FCF1: variants seen among roughly 807,000 people sequenced by gnomAD.
FCF1 encodes the protein FCF1 rRNA-processing protein, also known as rRNA-processing protein FCF1 homolog.
In FCF1, 17 loss-of-function variants were observed where a neutral mutation model predicts 32.5. That is an observed-to-expected ratio of 0.52 (90% CI 0.36 to 0.78). The LOEUF is 0.78. Ranked by LOEUF, FCF1 falls within the 30% of genes least tolerant of loss-of-function variation. The probability of loss-of-function intolerance (pLI) is 0.00; values close to 1 mark genes in which losing one functional copy is unlikely to be tolerated. For missense variants in FCF1, 201 were observed against 241.1 expected, an observed-to-expected ratio of 0.83 and a Z score of 1.10; for synonymous variants, 84 against 78.4, an observed-to-expected ratio of 1.07 and a Z score of -0.38.
In FCF1 at chr14:74,735,156, G is replaced by T. The variant is rs540982386; in HGVS notation, c.*226G>T. 621 of 479,188 alleles carry T rather than the reference G, an allele frequency of 1.3e-3. 4 individuals carry two copies. The highest frequency in any genetic ancestry group is 2.6e-3 in the South Asian group (96 of 37,256). 29.7% of individuals were successfully genotyped at this position (479,188 alleles called of 1,614,324 possible). On this transcript the variant is annotated 3_prime_UTR_variant, in exon 8 of 8. Coordinates refer to ENST00000341162, the MANE Select transcript of FCF1 (RefSeq NM_015962.5). ...GCATTTTGTGGGGCCGCGGGGGTTG[G>T]GGGGAATCTGTGCAGGGGGAAGCAT... is the stretch of plus-strand genomic sequence containing the variant.
In FCF1 at chr14:74,734,127, C is replaced by G. The variant is rs769520160; in HGVS notation, c.505C>G (p.Arg169Gly). 1 of 1,613,606 alleles carries G rather than the reference C, an allele frequency of 6.2e-7. No homozygotes were observed. Among genetic ancestry groups the G allele is most frequent in the Non-Finnish European group, 8.5e-7 (1 of 1,179,658 alleles). ...TVDRDLKRRI[R>G]KIPGVPIMYI... is the part of the protein sequence containing the mutation. ...TGACCGGGACCTGAAAAGAAGAATC[C>G]GTAAGATTCCTGGAGTTCCTATCAT... The change falls in exon 7 of 8, where the codon CGT becomes GGT. Residue 169 changes from arginine (R) to glycine (G), a missense_variant. Arg to Gly is a moderately radical substitution (Grantham distance 125). Around this residue, in one of 3 missense-constraint regions of FCF1, gnomAD observed 121 missense variants for 147.8 expected, o/e 0.82. Coordinates refer to ENST00000341162, the MANE Select transcript of FCF1 (RefSeq NM_015962.5).
At chr14:74,728,550 C>G (rs1023625830) in intron 5 of FCF1, among the ~76,000 whole-genome samples, 1 of 151,916 alleles carries the variant, frequency 6.6e-6, no homozygotes, top group African/African-American at 2.4e-5. Context: ...CGTCTGCAAA[C>G]GGACAATTTG....
chr14:74,718,163 C>G (rs1048162120), intron 4 of FCF1, among the ~76,000 whole-genome samples: 10 of 152,170 alleles, frequency 6.6e-5, no homozygotes, highest in Non-Finnish European at 1.5e-4. Flanking sequence ...CCGTGCCTGG[C>G]CTTGCTTGCC....
At chr14:74,728,770 C>G (rs1211927226) in intron 5 of FCF1, among the ~76,000 whole-genome samples, 1 of 152,130 alleles carries the variant, frequency 6.6e-6, no homozygotes, top group Non-Finnish European at 1.5e-5. Flanking sequence ...TTTTGAAATA[C>G]GTCCCATCAA....
Position 74,736,124 on chromosome 14 carries a change from C to G in FCF1, c.*1194C>G, listed in dbSNP as rs1216782890. 3 of 152,364 alleles carry G rather than the reference C, an allele frequency of 2.0e-5. No homozygotes were observed. Among genetic ancestry groups the G allele is most frequent in the Non-Finnish European group, 2.9e-5 (2 of 68,256 alleles). The allele number at this position is 152,364 out of a possible 1,614,324, so 9.4% of individuals were successfully genotyped here. A position where few individuals can be genotyped will look rare whatever the true frequency, so the allele number is the denominator to read the frequency against. ...AAATTGATATTTTGTCTCATAAAAA[C>G]TAGGCCAGGCATGGTGGCTCATTCC... On this transcript the variant is annotated 3_prime_UTR_variant, in exon 8 of 8. Transcript: ENST00000341162.
At chr14:74,720,732 C>T (rs2140025037) in intron 4 of FCF1, among the ~76,000 whole-genome samples, 1 of 152,298 alleles carries the variant, frequency 6.6e-6, no homozygotes, top group African/African-American at 2.4e-5. Context: ...TTACAGCAGC[C>T]TCAACCTCCA....
intron 5 of FCF1, among the ~76,000 whole-genome samples, 172 bp from the exon 6 acceptor site, chr14:74,732,559 A>G (rs1566722188): frequency 6.6e-6 from 1 of 152,220 alleles, no homozygotes; most frequent in Non-Finnish European, 1.5e-5. Context: ...AAAGCACACT[A>G]GCTGTCAGCC....
At chr14:74,725,691 T>G (rs1186121911) in intron 5 of FCF1, among the ~76,000 whole-genome samples, 1 of 151,340 alleles carries the variant, frequency 6.6e-6, no homozygotes, top group Non-Finnish European at 1.5e-5. Flanking sequence ...TCCCAGCACT[T>G]TGGGAGGCCG....
intron 7 of FCF1, 52 bp downstream of exon 7, chr14:74,734,222 T>TATATATTTCTATTCCCTTCTCCAAGG: frequency 9.6e-7 from 1 of 1,039,708 alleles, no homozygotes; most frequent in Non-Finnish European, 1.5e-6. Flanking sequence ...TGATATCAAT[T>TATATATTTCTATTCCCTTCTCCAAGG]GAAAATGAGG....
At chr14:74,723,407 T>C in intron 5 of FCF1, 63 bp downstream of exon 5, 1 of 1,220,442 alleles carries the variant, frequency 8.2e-7, no homozygotes, top group Non-Finnish European at 1.2e-6. Flanking sequence ...CTGTTTGTTG[T>C]TTAAAGATTT....
Position 74,723,359 on chromosome 14 carries a change from A to T in FCF1, c.365+15A>T. The T allele has an allele frequency of 6.3e-7, 1 of 1,587,526 alleles. No individual in the cohort carries two copies. Among genetic ancestry groups the T allele is most frequent in the Non-Finnish European group, 8.6e-7 (1 of 1,156,552 alleles). ...GTGGCTCTAAGGTAGGAAGGAGGTA[A>T]ACTAGATCTGTTCTAGATTGGTATA... On this transcript the variant is annotated intron_variant, in intron 5 of 7. Transcript: ENST00000341162.
chr14:74,715,911 A>G (rs367694430), intron 3 of FCF1, 40 bp from the exon 4 acceptor site: 86 of 1,611,352 alleles, frequency 5.3e-5, no homozygotes, highest in South Asian at 3.3e-4. Context: ...TAGGGTATCA[A>G]TGTAAATTTT....
Position 74,715,975 on chromosome 14 carries a change from T to G in FCF1, c.168T>G (p.Phe56Leu). ...GTCCCCAACACCCTTCCTGCTTATT[T>G]TTCCAATATAATACACAGCTGGGCC... ...REVPQHPSCL[F>L]FQYNTQLGPP... The change falls in exon 4 of 8, where the codon TTT becomes TTG. Residue 56 changes from phenylalanine (F) to leucine (L), a missense_variant. Physicochemically the swap from Phe to Leu is conservative, Grantham distance 22. Around this residue, in one of 3 missense-constraint regions of FCF1, gnomAD observed 76 missense variants for 75.0 expected, o/e 1.01. Coordinates refer to ENST00000341162, the MANE Select transcript of FCF1 (RefSeq NM_015962.5). 6.2e-7 allele frequency: 1 copy of G among 1,613,934 alleles called. No individual in the cohort carries two copies. The highest frequency in any genetic ancestry group is 8.5e-7 in the Non-Finnish European group (1 of 1,179,872).
chr14:74,731,265 G>C (rs1213566518), intron 5 of FCF1, among the ~76,000 whole-genome samples: 1 of 152,158 alleles, frequency 6.6e-6, no homozygotes, highest in Non-Finnish European at 1.5e-5. Flanking sequence ...TAGGTAAAAA[G>C]ATTTTTTTGT....
At chr14:74,716,351 A>G (rs1364732044) in intron 4 of FCF1, among the ~76,000 whole-genome samples, 1 of 152,256 alleles carries the variant, frequency 6.6e-6, no homozygotes, top group Non-Finnish European at 1.5e-5. Flanking sequence ...AATTTTGAAC[A>G]TAGGGGAATT....
At chr14:74,715,460 A>T (rs2090405629) in intron 3 of FCF1, among the ~76,000 whole-genome samples, 1 of 152,154 alleles carries the variant, frequency 6.6e-6, no homozygotes, top group South Asian at 2.1e-4. Context: ...TCCATGGCCT[A>T]GCATTTGGAA....
chr14:74,719,332 T>C (rs778740234), intron 4 of FCF1, among the ~76,000 whole-genome samples: 14 of 142,832 alleles, frequency 9.8e-5, no homozygotes, highest in Admixed American at 2.1e-4. Flanking sequence ...GAAAAGAAAG[T>C]TGGGCTGGGC....
At chr14:74,723,126 C>G (rs1402342834) in intron 4 of FCF1, 146 bp from the exon 5 acceptor site, 2 of 612,230 alleles carry the variant, frequency 3.3e-6, no homozygotes, top group African/African-American at 3.7e-5. Flanking sequence ...TTCTTCTACT[C>G]TAGTTCTTCT....
At chr14:74,726,518 A>G (rs2090579837) in intron 5 of FCF1, among the ~76,000 whole-genome samples, 1 of 152,030 alleles carries the variant, frequency 6.6e-6, no homozygotes, top group South Asian at 2.1e-4. Flanking sequence ...GCACATCTGT[A>G]GTTCCAGTTA....
Sources: gnomAD v4.1 joint callset for allele counts (sites outside exome capture counted in the v4.1 genomes callset) on GRCh38, gnomAD v4.1.1 for gene constraint, gnomAD v4.1.1 regional missense constraint, MANE v1.5 for transcripts, NCBI Gene and HGNC (gene_info 2026-07-23, HGNC 2026-07-21) for gene names.